SCRIB: variants seen among roughly 807,000 people sequenced by gnomAD.
SCRIB encodes protein scribble homolog.
A neutral mutation model predicts 170.0 loss-of-function variants in SCRIB; 72 were observed. That is an observed-to-expected ratio of 0.42 (90% CI 0.35 to 0.52). The LOEUF (loss-of-function observed/expected upper bound fraction) is 0.52. Ranked by LOEUF, SCRIB falls within the 20% of genes least tolerant of loss-of-function variation. The probability of loss-of-function intolerance (pLI) is 0.02; values close to 1 mark genes in which losing one functional copy is unlikely to be tolerated. For synonymous variants in SCRIB, 1,298 were observed against 1,044.3 expected (o/e 1.24, Z -4.68); for missense variants, 2,475 against 2,338.5 (o/e 1.06, Z -1.20).
chr8:143,800,038 C>T (rs1046328859), intron 24 of SCRIB, among the ~76,000 whole-genome samples: 2 of 128,242 alleles, frequency 1.6e-5, no homozygotes, highest in African/African-American at 5.9e-5. Context: ...GCCCCCCCCC[C>T]ACCCCACCCA....
intron 18 of SCRIB, among the ~76,000 whole-genome samples, chr8:143,805,921 G>A (rs903646212): frequency 2.0e-5 from 3 of 152,214 alleles, no homozygotes; most frequent in Non-Finnish European, 2.9e-5. Flanking sequence ...CCTGCCCTCA[G>A]TGTGTCCCTA....
chr8:143,792,463 C>A, intron 31 of SCRIB, 22 bp downstream of exon 31: 2 of 1,516,908 alleles, frequency 1.3e-6, no homozygotes, highest in Non-Finnish European at 1.8e-6. Context: ...GAGTAGGGGG[C>A]GTCTGGTGGG....
chr8:143,799,278 G>A (rs554260311), intron 24 of SCRIB, among the ~76,000 whole-genome samples: 33 of 152,352 alleles, frequency 2.2e-4, no homozygotes, highest in African/African-American at 7.5e-4. Flanking sequence ...TTCTTCCTGA[G>A]AGCGTAAATC....
intron 17 of SCRIB, 80 bp from the exon 18 acceptor site, chr8:143,806,564 G>A (rs538887543): frequency 4.1e-6 from 5 of 1,209,482 alleles, no homozygotes; most frequent in Non-Finnish European, 5.9e-6. Context: ...ACCCAGGAGG[G>A]GAAGACCCAC....
Position 143,803,577 on chromosome 8 carries a change from G to T in SCRIB, c.3415-6C>A. On this transcript the variant is annotated splice_polypyrimidine_tract_variant and splice_region_variant and intron_variant, in intron 23 of 36. Transcript: ENST00000356994. Reference sequence around the variant, plus strand: ...GCTGCCCCCGTGGGGCTCACCTGTGGGGAGACGTGGTATGGGAGAGACCTG... The same window carrying T: ...GCTGCCCCCGTGGGGCTCACCTGTGTGGAGACGTGGTATGGGAGAGACCTG... 1 of 1,598,082 alleles carries T rather than the reference G, an allele frequency of 6.3e-7. No homozygotes were observed. The highest frequency in any genetic ancestry group is 1.3e-5 in the African/African-American group (1 of 74,828).
chr8:143,808,814 T>G lies in SCRIB; in HGVS notation c.1910A>C (p.Glu637Ala). Reference sequence around the variant, plus strand: ...CCAGCCCCCGGGAGCCACAGGGCCCTCCCCATCAGGCTGCATGCCCTGCAG... The same window carrying G: ...CCAGCCCCCGGGAGCCACAGGGCCCGCCCCATCAGGCTGCATGCCCTGCAG... ...ALLQGMQPDG[E>A]GPVAPGGWHN... Residue 637 changes from glutamate to alanine, a missense_variant, in exon 15 of 37, where the codon GAG becomes GCG. Transcript: ENST00000356994. 1 of 1,611,962 alleles carries G rather than the reference T, an allele frequency of 6.2e-7. No individual in the cohort carries two copies.
intron 24 of SCRIB, among the ~76,000 whole-genome samples, 195 bp downstream of exon 24, chr8:143,803,188 C>T (rs550044921): frequency 1.3e-5 from 2 of 152,154 alleles, no homozygotes; most frequent in Non-Finnish European, 2.9e-5. Context: ...CTCGATGAGC[C>T]GGAGCTCAGC....
At chr8:143,814,186 C>T (rs1355858203) in intron 1 of SCRIB, 68 bp from the exon 2 acceptor site, 16 of 1,323,108 alleles carry the variant, frequency 1.2e-5, no homozygotes, top group South Asian at 6.3e-5. Context: ...CTCCTGGACA[C>T]GTGAGTGTCA....
chr8:143,806,184 G>A (rs969070508), intron 18 of SCRIB, among the ~76,000 whole-genome samples: 46 of 152,208 alleles, frequency 3.0e-4, no homozygotes, highest in African/African-American at 1.0e-3. Flanking sequence ...CAATCAGGGC[G>A]CTGGATGGGA....
rs955580236 is a variant in SCRIB, at chr8:143,811,438, G to A, written c.907-93C>T. 8.1e-5 allele frequency: 89 copies of A among 1,103,710 alleles called. No individual in the cohort carries two copies. In the African/African-American group the frequency reaches 1.2e-3, roughly 14 times the overall value. 68.4% of individuals were successfully genotyped at this position (1,103,710 alleles called of 1,614,324 possible). A position where few individuals can be genotyped will look rare whatever the true frequency, so the allele number is the denominator to read the frequency against. On this transcript the variant is annotated intron_variant, in intron 9 of 36. Transcript: ENST00000356994. Reference sequence around the variant, plus strand: ...TGGCAGGAGGGCACAGACACCCCAGGCCAGCTCCAGCCAGGGTCCCTCACA... The same window carrying A: ...TGGCAGGAGGGCACAGACACCCCAGACCAGCTCCAGCCAGGGTCCCTCACA...
At chr8:143,792,934 C>T in intron 29 of SCRIB, 42 bp downstream of exon 29, 1 of 1,499,610 alleles carries the variant, frequency 6.7e-7, no homozygotes, top group Non-Finnish European at 8.9e-7. Flanking sequence ...CGGGCACCCA[C>T]CCCAACCACG....
In SCRIB at chr8:143,813,986, GC is replaced by G. The variant is rs1441239017; in HGVS notation, c.277+14del. ...ACTCCCCAGACCCCACCCAGCCCCT[GC>G]CCAGGCTCCCCACCGTTCCGGGACA... On this transcript the variant is annotated intron_variant, in intron 2 of 36. Transcript: ENST00000356994. 3 of 1,570,474 alleles carry G rather than the reference GC, an allele frequency of 1.9e-6. No homozygotes were observed.
chr8:143,806,380 C>T (rs1766558907), intron 18 of SCRIB, 27 bp downstream of exon 18: 1 of 1,572,440 alleles, frequency 6.4e-7, no homozygotes, highest in Non-Finnish European at 8.7e-7. Flanking sequence ...ACAGCTGCCA[C>T]TCGGGGCGGA....
At chr8:143,814,674 A>C (rs761539725) in intron 1 of SCRIB, among the ~76,000 whole-genome samples, 1 of 152,162 alleles carries the variant, frequency 6.6e-6, no homozygotes, top group South Asian at 2.1e-4. Flanking sequence ...CCAGCACCCC[A>C]TCTCCAGAAA....
rs1554636752 is a variant in SCRIB, at chr8:143,806,982, C to T, written c.2210G>A (p.Gly737Asp). ...GCCGCCCGCAATGCTGATGCCCAGG[C>T]CCCCAGTCTGCCGCAGGATAGTGAG... ...LTLTILRQTG[G>D]LGISIAGGKG... The change falls in exon 17 of 37, where the codon GGC (glycine) becomes GAC (aspartate). Residue 737 changes from glycine (G) to aspartate (D), a missense_variant. Transcript: ENST00000356994. The T allele has an allele frequency of 1.2e-6, 2 of 1,612,870 alleles. No individual in the cohort carries two copies. Among genetic ancestry groups the T allele is most frequent in the African/African-American group, 2.7e-5 (2 of 74,918 alleles).
Position 143,790,957 on chromosome 8 carries a change from A to G in SCRIB, c.*206T>C. 1 of 474,874 alleles carries G rather than the reference A, an allele frequency of 2.1e-6. No individual in the cohort carries two copies. Among genetic ancestry groups the G allele is most frequent in the Non-Finnish European group, 3.4e-6 (1 of 291,992 alleles). 29.4% of individuals were successfully genotyped at this position (474,874 alleles called of 1,614,324 possible). On this transcript the variant is annotated 3_prime_UTR_variant, in exon 37 of 37. Coordinates refer to ENST00000356994, the MANE Select transcript of SCRIB (RefSeq NM_182706.5). ...TAGTCAACTTTATTCTCCTTAAACC[A>G]CAAAATAGAGTCTTTGGTTGTACAA...
intron 16 of SCRIB, 34 bp from the exon 17 acceptor site, chr8:143,807,047 C>T: frequency 1.3e-6 from 2 of 1,494,472 alleles, no homozygotes; most frequent in South Asian, 2.3e-5. Context: ...TCTAGAAGGG[C>T]CGCAGTGGGG....
chr8:143,804,755 G>GA lies in SCRIB; in HGVS notation c.2821_2822insT (p.Thr941IlefsTer77). 6.2e-7 allele frequency: 1 copy of GA among 1,604,896 alleles called. No homozygotes were observed. Among genetic ancestry groups the GA allele is most frequent in the Non-Finnish European group, 8.5e-7 (1 of 1,176,898 alleles). ...CTCCCGCTCCAACAGCAGGGCGATG[G>GA]TGGGGGAGGCAGCGGTCAGCAGGGA... is the stretch of plus-strand genomic sequence containing the variant. On this transcript the variant is annotated frameshift_variant, in exon 21 of 37. Transcript: ENST00000356994. LOFTEE classifies it high-confidence loss of function.
At position 143,809,532 on chromosome 8, in the gene SCRIB, C is replaced by T; in HGVS notation, c.1698+19G>A. 6.2e-7 allele frequency: 1 copy of T among 1,600,140 alleles called. No homozygotes were observed. Among genetic ancestry groups the T allele is most frequent in the Non-Finnish European group, 8.5e-7 (1 of 1,172,276 alleles). The stretch of plus-strand genomic sequence containing the variant: ...ACCCAGCAGGCCCAGCCTCCTGCCT[C>T]CTTCCTGCCAATCCACACCTCCTGG... On this transcript the variant is annotated intron_variant, in intron 14 of 36. Coordinates refer to ENST00000356994, the MANE Select transcript of SCRIB (RefSeq NM_182706.5).
Sources: allele counts gnomAD v4.1 joint callset (sites outside exome capture counted in the v4.1 genomes callset), GRCh38; gene constraint gnomAD v4.1.1; transcripts MANE v1.5; gene names NCBI Gene and HGNC (gene_info 2026-07-23, HGNC 2026-07-21).